PAX2: variants seen among roughly 807,000 people sequenced by gnomAD.
PAX2 encodes paired box protein Pax-2.
PAX2 carries 9 observed loss-of-function variants against 41.7 expected under a neutral mutation model. The ratio of observed to expected loss-of-function variants is 0.22; its 90% CI spans 0.13 to 0.38. The LOEUF (loss-of-function observed/expected upper bound fraction) is 0.38, where lower values mean the gene tolerates loss of function less well. PAX2 is among the 10% of genes least tolerant of loss of function. The pLI, the probability that PAX2 is intolerant of heterozygous loss-of-function variation, is 1.00. For missense variants in PAX2, 418 were observed against 531.6 expected (o/e 0.79, Z 2.10); for synonymous variants, 221 against 212.7 (o/e 1.04, Z -0.34).
At chr10:100,780,738 A>G (rs1846586316) in intron 4 of PAX2, among the ~76,000 whole-genome samples, 1 of 152,194 alleles carries the variant, frequency 6.6e-6, no homozygotes, top group Non-Finnish European at 1.5e-5. Flanking sequence ...GATCTTAGAA[A>G]GCCACAGACT....
At chr10:100,752,693 A>C (rs1235293602) in intron 3 of PAX2, among the ~76,000 whole-genome samples, 1 of 152,168 alleles carries the variant, frequency 6.6e-6, no homozygotes, top group East Asian at 1.9e-4. Context: ...GGATTTAGGT[A>C]ATTTGTTTCT....
At chr10:100,808,325 G>A (rs970891261) in intron 6 of PAX2, among the ~76,000 whole-genome samples, 3 of 152,154 alleles carry the variant, frequency 2.0e-5, no homozygotes, top group Non-Finnish European at 4.4e-5. Context: ...CCATGGAGGG[G>A]AGGGGGTACT....
intron 5 of PAX2, among the ~76,000 whole-genome samples, chr10:100,799,025 C>T (rs1223714727): frequency 6.6e-6 from 1 of 152,276 alleles, no homozygotes; most frequent in African/African-American, 2.4e-5. Flanking sequence ...GAGTTTGAAA[C>T]TGCAACAACT....
upstream of PAX2, among the ~76,000 whole-genome samples, chr10:100,741,715 A>C (rs2133814996): frequency 6.6e-6 from 1 of 152,290 alleles, no homozygotes; most frequent in African/African-American, 2.4e-5. Context: ...ATAATCCAGA[A>C]ATGAAGCTCA....
At position 100,827,566 on chromosome 10, in the gene PAX2, G is replaced by T; in HGVS notation, c.1132G>T (p.Ala378Ser). The T allele has an allele frequency of 1.9e-6, 3 of 1,613,436 alleles. No individual in the cohort carries two copies. Among genetic ancestry groups the T allele is most frequent in the Non-Finnish European group, 2.5e-6 (3 of 1,179,568 alleles). Residue 378 changes from alanine to serine, a missense_variant, in exon 10 of 10, where the codon GCC becomes TCC. Physicochemically the swap from Ala to Ser is moderately conservative, Grantham distance 99 (BLOSUM62 1). Transcript: ENST00000355243. The surrounding 1 kb of genome is among the most constrained non-coding windows in gnomAD (Gnocchi z 8.5). ...AGGTTCCCCTTATTATTATAGTGCC[G>T]CCCCCCGGGGCTCCGCCCCTGCCGC... The part of the protein sequence containing the change: ...LLSSPYYYSA[A>S]PRGSAPAAAA...
chr10:100,749,210 G>C, intron 1 of PAX2: 2 of 989,418 alleles, frequency 2.0e-6, no homozygotes, highest in Admixed American at 6.1e-5. Flanking sequence ...AGAGCAAAGG[G>C]GGGTGTGTGT....
chr10:100,779,598 G>C lies in PAX2; in HGVS notation c.496+15G>C, dbSNP rs777007561. On this transcript the variant is annotated intron_variant, in intron 4 of 9. Coordinates refer to ENST00000355243, the MANE Select transcript of PAX2 (RefSeq NM_000278.5). ...CCACACCATTGGTAAGAGGGCTCAGGGAAGGGGAGGAAACCAGATCCCACC... is the reference window on the plus strand; with the variant it reads ...CCACACCATTGGTAAGAGGGCTCAGCGAAGGGGAGGAAACCAGATCCCACC... The C allele has an allele frequency of 1.3e-6, 2 of 1,549,330 alleles. No individual in the cohort carries two copies. The highest frequency in any genetic ancestry group is 3.8e-5 in the Admixed American group (2 of 52,474).
intron 8 of PAX2, among the ~76,000 whole-genome samples, chr10:100,825,267 G>A (rs943514489): frequency 6.6e-6 from 1 of 152,156 alleles, no homozygotes; most frequent in African/African-American, 2.4e-5. Context: ...GTCCCTAAGA[G>A]GAATGGAGGT....
intron 5 of PAX2, among the ~76,000 whole-genome samples, chr10:100,803,922 G>A (rs181572565): frequency 5.9e-5 from 9 of 152,286 alleles, no homozygotes; most frequent in African/African-American, 2.2e-4. Flanking sequence ...GTCAGTGAGT[G>A]GAGGGAGCAG....
chr10:100,811,307 TTATGTCCTCC>T (rs1263849939), intron 7 of PAX2, among the ~76,000 whole-genome samples: 1 of 152,266 alleles, frequency 6.6e-6, no homozygotes, highest in Non-Finnish European at 1.5e-5. Context: ...TTTGTTGATT[TTATGTCCTCC>T]TAATTTGCAT....
intron 1 of PAX2, among the ~76,000 whole-genome samples, chr10:100,739,867 C>T (rs910816100): frequency 6.6e-6 from 1 of 152,226 alleles, no homozygotes; most frequent in Admixed American, 6.5e-5. Context: ...CACTCAGCCT[C>T]CCTCCGACTC....
Position 100,829,142 on chromosome 10 carries a change from A to G in PAX2, c.*1523A>G, listed in dbSNP as rs1200889516. 3.0e-5 allele frequency: 7 copies of G among 230,334 alleles called. No individual in the cohort carries two copies. In the East Asian group the frequency reaches 4.3e-4, roughly 14 times the overall value. The allele number at this position is 230,334 out of a possible 1,614,324, so 14.3% of individuals were successfully genotyped here. A position where few individuals can be genotyped will look rare whatever the true frequency, so the allele number is the denominator to read the frequency against. On this transcript the variant is annotated 3_prime_UTR_variant, in exon 10 of 10. Coordinates refer to ENST00000355243, the MANE Select transcript of PAX2 (RefSeq NM_000278.5). ...GAAATCTCTATGCAAAATGACGAAC[A>G]TGGTCCTGTGGACTCCTCTGGCCTG...
At chr10:100,792,799 G>A (rs1231603727) in intron 5 of PAX2, among the ~76,000 whole-genome samples, 2 of 150,362 alleles carry the variant, frequency 1.3e-5, no homozygotes, top group Admixed American at 6.7e-5. Flanking sequence ...GTCAGGCAAA[G>A]CCTTGCTACA....
At chr10:100,801,475 T>C (rs978208228) in intron 5 of PAX2, among the ~76,000 whole-genome samples, 1 of 152,280 alleles carries the variant, frequency 6.6e-6, no homozygotes, top group Non-Finnish European at 1.5e-5. Flanking sequence ...CAAAAAGACC[T>C]GTAGTAGCTC....
intron 1 of PAX2, chr10:100,749,351 G>T (rs904632634): frequency 2.0e-6 from 2 of 1,019,030 alleles, no homozygotes; most frequent in African/African-American, 3.4e-5. Context: ...GCGCAGGCGG[G>T]ATGCTGCTTC....
At chr10:100,757,973 C>T (rs956726356) in intron 3 of PAX2, among the ~76,000 whole-genome samples, 11 of 152,068 alleles carry the variant, frequency 7.2e-5, no homozygotes, top group African/African-American at 2.4e-4. Context: ...CAGGCGAGGC[C>T]GTAGAGCCAG....
intron 4 of PAX2, 149 bp downstream of exon 4, chr10:100,779,732 G>A: frequency 1.4e-6 from 1 of 707,344 alleles, no homozygotes; most frequent in South Asian, 1.5e-5. Context: ...TGTCCACATA[G>A]GGTCTTCCTG....
At chr10:100,741,702 G>T (rs1339055431), upstream of PAX2, among the ~76,000 whole-genome samples, 1 of 152,134 alleles carries the variant, frequency 6.6e-6, no homozygotes, top group African/African-American at 2.4e-5. Flanking sequence ...TCTAAAAGTG[G>T]GAATAATCCA....
chr10:100,827,593 G>A lies in PAX2; in HGVS notation c.1159G>A (p.Ala387Thr). Residue 387 changes from alanine (A) to threonine (T), a missense_variant, in exon 10 of 10, where the codon GCT becomes ACT. Ala to Thr is a moderately conservative substitution (Grantham distance 58). Coordinates refer to ENST00000355243, the MANE Select transcript of PAX2 (RefSeq NM_000278.5). This position sits in a 1 kb window ranked among gnomAD's most constrained non-coding sequence, Gnocchi z 8.5. ...CCCCCGGGGCTCCGCCCCTGCCGCTGCTGCCGCTGCCTATGACCGCCACTA... is the reference window on the plus strand; with the variant it reads ...CCCCCGGGGCTCCGCCCCTGCCGCTACTGCCGCTGCCTATGACCGCCACTA... ...AAPRGSAPAA[A>T]AAAYDRH The A allele has an allele frequency of 6.2e-7, 1 of 1,613,414 alleles. No individual in the cohort carries two copies.
Sources: allele counts gnomAD v4.1 joint callset (sites outside exome capture counted in the v4.1 genomes callset), GRCh38; gene constraint gnomAD v4.1.1; non-coding constraint Gnocchi (gnomAD v3.1); transcripts MANE v1.5; gene names NCBI Gene and HGNC (gene_info 2026-07-23, HGNC 2026-07-21).